The following CANX variants were observed in gnomAD, a reference collection of about 807,000 sequenced individuals.
CANX encodes the protein epididymis secretory sperm binding protein.
CANX carries 14 observed loss-of-function variants against 75.7 expected under a neutral mutation model. That is an observed-to-expected ratio of 0.19 (90% CI 0.12 to 0.29). CANX has a LOEUF of 0.29. Among genes scored for constraint, CANX ranks in the 10% least tolerant of loss-of-function variants. The pLI, the probability that CANX is intolerant of heterozygous loss-of-function variation, is 1.00. For synonymous variants in CANX, 227 were observed against 236.9 expected (o/e 0.96, Z 0.38); for missense variants, 567 against 713.2 (o/e 0.79, Z 2.34).
At chr5:179,679,142 G>T (rs1037806894) in intron 1 of CANX, 12 of 1,535,554 alleles carry the variant, frequency 7.8e-6, no homozygotes, top group Admixed American at 2.0e-5. Context: ...GGTTGCCAGG[G>T]CGTGGACCTT....
At chr5:179,696,312 G>A (rs1427931058), upstream of CANX, among the ~76,000 whole-genome samples, 8 of 109,232 alleles carry the variant, frequency 7.3e-5, no homozygotes, top group African/African-American at 2.9e-4. Context: ...GTCTGGCTCT[G>A]TCACCCAAGC....
chr5:179,727,695 A>T (rs960912619), intron 14 of CANX, among the ~76,000 whole-genome samples: 1 of 152,128 alleles, frequency 6.6e-6, no homozygotes, highest in African/African-American at 2.4e-5. Flanking sequence ...TTTCCTATAT[A>T]CCAGGGAGAA....
intron 12 of CANX, 64 bp downstream of exon 12, chr5:179,723,843 C>A: frequency 7.0e-7 from 1 of 1,429,286 alleles, no homozygotes; most frequent in Non-Finnish European, 9.6e-7. Flanking sequence ...TTAAAAATAA[C>A]TAAGATATGT....
upstream of CANX, among the ~76,000 whole-genome samples, chr5:179,695,049 C>G (rs569601410): frequency 6.7e-6 from 1 of 148,500 alleles, no homozygotes; most frequent in Non-Finnish European, 1.5e-5. Context: ...TTATTTCTTT[C>G]ATTTATTTAT....
At chr5:179,708,430 G>C in intron 5 of CANX, 50 bp downstream of exon 5, 1 of 1,538,534 alleles carries the variant, frequency 6.5e-7, no homozygotes, top group Non-Finnish European at 8.9e-7. Flanking sequence ...GGTAATCTTA[G>C]AAGACATTAT....
intron 7 of CANX, among the ~76,000 whole-genome samples, chr5:179,715,706 TGAA>T (rs1403548594): frequency 1.3e-5 from 2 of 152,174 alleles, no homozygotes; most frequent in African/African-American, 4.8e-5. Context: ...CTATTAAAAA[TGAA>T]GAAATGGACC....
At chr5:179,688,707 A>T (rs1160258621) in intron 1 of CANX, among the ~76,000 whole-genome samples, 1 of 150,752 alleles carries the variant, frequency 6.6e-6, no homozygotes, top group Non-Finnish European at 1.5e-5. Flanking sequence ...TTGGCCAGAC[A>T]TGATGGCTCA....
chr5:179,699,146 T>C, intron 1 of CANX, 44 bp downstream of exon 1: 1 of 984,956 alleles, frequency 1.0e-6, no homozygotes, highest in Non-Finnish European at 1.2e-6. Context: ...TGTGAGGACC[T>C]CGGGGGGCTG....
intron 1 of CANX, 105 bp downstream of exon 1, chr5:179,699,207 G>A: frequency 1.4e-6 from 1 of 690,942 alleles, no homozygotes; most frequent in Non-Finnish European, 1.8e-6. Context: ...CTGAGGGGTC[G>A]GGCTGGCTCT....
chr5:179,686,864 G>A (rs1562435624), intron 1 of CANX, among the ~76,000 whole-genome samples: 1 of 152,170 alleles, frequency 6.6e-6, no homozygotes, highest in East Asian at 1.9e-4. Context: ...TGCAACTTCC[G>A]GCTCCAGGGT....
chr5:179,691,296 A>T (rs1776295157), intron 1 of CANX, among the ~76,000 whole-genome samples: 2 of 152,206 alleles, frequency 1.3e-5, no homozygotes, highest in Middle Eastern at 3.4e-3. Flanking sequence ...AAGTGCTGGG[A>T]TTACAGGTGT....
chr5:179,725,385 TAAAA>T (rs1011747502), intron 13 of CANX, among the ~76,000 whole-genome samples: 1 of 150,934 alleles, frequency 6.6e-6, no homozygotes, highest in Non-Finnish European at 1.5e-5. Context: ...TCCTGTCTCT[TAAAA>T]AAAAATTGTT....
At chr5:179,700,192 G>C (rs140349640) in intron 1 of CANX, 139 of 152,290 alleles carry the variant, frequency 9.1e-4, no homozygotes, top group African/African-American at 3.2e-3. Flanking sequence ...CGCTGGGCAT[G>C]ACACAAGTGA....
rs977671563 is a variant in CANX at position 179,698,967 on chromosome 5, A to G, written c.-139A>G. The G allele has an allele frequency of 7.1e-6, 8 of 1,122,954 alleles. No homozygotes were observed. Among genetic ancestry groups the G allele is most frequent in the Admixed American group, 1.0e-4 (2 of 19,726 alleles). 69.6% of individuals were successfully genotyped at this position (1,122,954 alleles called of 1,614,324 possible). ...GTGCGGTGGGGCTCGCTCGCGCGGC[A>G]GCGGTGGCCGAGGCCTCTTGGTTCT... On this transcript the variant is annotated 5_prime_UTR_variant, in exon 1 of 15. Coordinates refer to ENST00000247461, the MANE Select transcript of CANX (RefSeq NM_001746.4).
At chr5:179,725,275 C>T (rs568654977) in intron 13 of CANX, among the ~76,000 whole-genome samples, 180 of 151,892 alleles carry the variant, frequency 1.2e-3, no homozygotes, top group African/African-American at 4.0e-3. Flanking sequence ...GGTGTGATCT[C>T]GGTTCACTGC....
intron 14 of CANX, 33 bp from the exon 15 acceptor site, chr5:179,728,558 G>T (rs775155224): frequency 8.7e-5 from 110 of 1,259,292 alleles, no homozygotes; most frequent in Non-Finnish European, 1.2e-4. Context: ...TTTTAAATGT[G>T]CTAATTATAA....
chr5:179,683,385 A>G (rs749864409), intron 1 of CANX, among the ~76,000 whole-genome samples: 15 of 151,902 alleles, frequency 9.9e-5, no homozygotes, highest in South Asian at 6.2e-4. Flanking sequence ...CGCCCACCTC[A>G]GCCTCCCAAA....
intron 1 of CANX, among the ~76,000 whole-genome samples, chr5:179,682,254 A>G (rs577750869): frequency 1.4e-5 from 2 of 145,144 alleles, no homozygotes; most frequent in African/African-American, 5.3e-5. Context: ...CTCCATCTCA[A>G]AAAAAAAAAA....
At chr5:179,694,680 G>C (rs561794211), upstream of CANX, 1 of 736,904 alleles carries the variant, frequency 1.4e-6, no homozygotes, top group East Asian at 2.5e-5. Context: ...AGGGAAGTTT[G>C]ATGGCTCAAA....
Sources: allele counts gnomAD v4.1 joint callset (sites outside exome capture counted in the v4.1 genomes callset), GRCh38; gene constraint gnomAD v4.1.1; transcripts MANE v1.5; gene names NCBI Gene and HGNC (gene_info 2026-07-23, HGNC 2026-07-21).